The following LRRC4C variants were observed in gnomAD, a reference collection of about 807,000 sequenced individuals.
LRRC4C encodes the protein leucine rich repeat containing 4C.
In LRRC4C, 5 loss-of-function variants were observed where a neutral mutation model predicts 33.6. That is an observed-to-expected ratio of 0.15 (90% confidence interval 0.08 to 0.31). The LOEUF (loss-of-function observed/expected upper bound fraction) is 0.31, where lower values mean the gene tolerates loss of function less well. Among genes scored for constraint, LRRC4C ranks in the 10% least tolerant of loss-of-function variants. LRRC4C has a pLI of 1.00. For synonymous variants in LRRC4C, 329 were observed against 302.0 expected, an observed-to-expected ratio of 1.09 and a Z score of -0.93; for missense variants, 560 against 796.7, an observed-to-expected ratio of 0.70 and a Z score of 3.58.
At chr11:40,744,665 T>G in intron 2 of LRRC4C, among the ~76,000 whole-genome samples, 1 of 152,260 alleles carries the variant, frequency 6.6e-6, no homozygotes, top group African/African-American at 2.4e-5. Context: ...AACAACCCTA[T>G]GCATGGTGTT....
intron 3 of LRRC4C, among the ~76,000 whole-genome samples, chr11:40,581,392 C>T (rs1958457215): frequency 6.6e-6 from 1 of 152,180 alleles, no homozygotes; most frequent in African/African-American, 2.4e-5. Context: ...TGTCTTCAGA[C>T]CTAGAGATTA....
intron 3 of LRRC4C, among the ~76,000 whole-genome samples, chr11:40,499,928 G>A (rs1402533156): frequency 1.3e-5 from 2 of 152,034 alleles, no homozygotes; most frequent in Non-Finnish European, 2.9e-5. Flanking sequence ...AGGGACAAAA[G>A]GTAGGAATCA....
intron 1 of LRRC4C, among the ~76,000 whole-genome samples, chr11:41,090,317 G>A (rs577589246): frequency 2.6e-5 from 4 of 152,030 alleles, no homozygotes; most frequent in Middle Eastern, 3.4e-3. Flanking sequence ...ATCTCACAGC[G>A]TTTATTTCTT....
At chr11:40,595,191 C>T (rs563563697) in intron 3 of LRRC4C, among the ~76,000 whole-genome samples, 1 of 151,468 alleles carries the variant, frequency 6.6e-6, no homozygotes, top group South Asian at 2.1e-4. Flanking sequence ...TTTATTAAGC[C>T]AAATCAAGGA....
rs1009987289 is a variant in LRRC4C, at chr11:40,886,329, A to G, written c.-407+47306T>C. 5.3e-5 allele frequency among the ~76,000 whole-genome samples: 8 copies of G among 151,850 alleles called. No homozygotes were observed. In the South Asian group the frequency reaches 1.7e-3, roughly 32 times the overall value. ...ACCTGAATATCTACTTCTCAACTGG[A>G]GAAATAGCCAGTAGGAGTTATTTTC... is the stretch of plus-strand genomic sequence containing the variant. On this transcript the variant is annotated intron_variant, in intron 2 of 6. Coordinates refer to ENST00000528697, the MANE Select transcript of LRRC4C (RefSeq NM_001258419.2).
At chr11:40,205,879 C>T (rs556818336) in intron 5 of LRRC4C, among the ~76,000 whole-genome samples, 3 of 152,172 alleles carry the variant, frequency 2.0e-5, no homozygotes, top group Non-Finnish European at 2.9e-5. Flanking sequence ...TCATTAAGTA[C>T]CTTTTTCTTT....
intron 3 of LRRC4C, among the ~76,000 whole-genome samples, chr11:40,482,078 G>T (rs1020709358): frequency 6.6e-6 from 1 of 152,098 alleles, no homozygotes; most frequent in African/African-American, 2.4e-5. Context: ...CTACCACTTG[G>T]TTCATTAGAG....
rs142310523 is a variant in LRRC4C, at chr11:41,169,935, A to G, written c.-495-236212T>C. On this transcript the variant is annotated intron_variant, in intron 1 of 6. Coordinates refer to ENST00000528697, the MANE Select transcript of LRRC4C (RefSeq NM_001258419.2). Reference sequence around the variant, plus strand: ...TCCTTTACATGGCTAAAATGTTAGAAGACATTTTTGTTTTACTTAAATATG... The same window carrying G: ...TCCTTTACATGGCTAAAATGTTAGAGGACATTTTTGTTTTACTTAAATATG... 5.2e-3 allele frequency among the ~76,000 whole-genome samples: 786 copies of G among 152,310 alleles called. 5 individuals carry two copies. The highest frequency in any genetic ancestry group is 0.018 in the African/African-American group (740 of 41,578).
At chr11:40,240,377 A>C (rs1865850791) in intron 5 of LRRC4C, among the ~76,000 whole-genome samples, 1 of 152,158 alleles carries the variant, frequency 6.6e-6, no homozygotes, top group African/African-American at 2.4e-5. Flanking sequence ...TAATGGTTTG[A>C]AGACGCAGAC....
At chr11:41,257,595 C>T (rs1177534425) in intron 1 of LRRC4C, among the ~76,000 whole-genome samples, 1 of 152,064 alleles carries the variant, frequency 6.6e-6, no homozygotes, top group East Asian at 1.9e-4. Flanking sequence ...ATGACTTATA[C>T]ACATCTTGCT....
chr11:40,453,008 A>G (rs1474163643), intron 3 of LRRC4C, among the ~76,000 whole-genome samples: 4 of 138,822 alleles, frequency 2.9e-5, no homozygotes, highest in Non-Finnish European at 6.2e-5. Context: ...AGGAAGGGGA[A>G]CATCACACGC....
intron 1 of LRRC4C, among the ~76,000 whole-genome samples, chr11:41,243,290 C>T (rs889010054): frequency 1.3e-5 from 2 of 152,144 alleles, no homozygotes; most frequent in Non-Finnish European, 2.9e-5. Flanking sequence ...TTAACAGTTT[C>T]CACATCCATT....
At chr11:41,081,274 A>G (rs1939548167) in intron 1 of LRRC4C, among the ~76,000 whole-genome samples, 1 of 152,218 alleles carries the variant, frequency 6.6e-6, no homozygotes, top group Non-Finnish European at 1.5e-5. Context: ...ACTGAACTTA[A>G]AACTGCATGA....
At position 40,798,429 on chromosome 11, in the gene LRRC4C, T is replaced by G. The variant is rs1950915136; in HGVS notation, c.-407+135206A>C. Among the ~76,000 whole-genome samples, 3 of 152,146 alleles carry G rather than the reference T, an allele frequency of 2.0e-5. No homozygotes were observed. The South Asian group carries it at 6.2e-4, about 32-fold the overall frequency. ...TGAGAAACAGTGTTTTGGAGTTAAG[T>G]TAGTTTTCTGATTTCAAACATGGAA... On this transcript the variant is annotated intron_variant, in intron 2 of 6. Coordinates refer to ENST00000528697, the MANE Select transcript of LRRC4C (RefSeq NM_001258419.2).
intron 1 of LRRC4C, among the ~76,000 whole-genome samples, chr11:40,977,654 A>C (rs373720802): frequency 3.3e-5 from 5 of 152,164 alleles, no homozygotes; most frequent in Admixed American, 3.3e-4. Context: ...TTATATTTTC[A>C]GTCCAGATTC....
chr11:41,378,627 T>G (rs1190397818), intron 1 of LRRC4C, among the ~76,000 whole-genome samples: 1 of 152,134 alleles, frequency 6.6e-6, no homozygotes, highest in Non-Finnish European at 1.5e-5. Flanking sequence ...GAATAGAAAT[T>G]TTGGAAACAA....
intron 4 of LRRC4C, among the ~76,000 whole-genome samples, chr11:40,290,483 A>G (rs1221436001): frequency 6.6e-6 from 1 of 152,222 alleles, no homozygotes; most frequent in Non-Finnish European, 1.5e-5. Flanking sequence ...TAGTTTAGTT[A>G]AGGAGTAATG....
chr11:41,059,208 A>G (rs1022462154), intron 1 of LRRC4C, among the ~76,000 whole-genome samples: 1 of 8,938 alleles, frequency 1.1e-4, no homozygotes, highest in Non-Finnish European at 5.4e-4. Context: ...ACTAAAATAA[A>G]AGTTTTTTTT....
chr11:40,328,575 A>C (rs1317125763), intron 3 of LRRC4C, among the ~76,000 whole-genome samples: 4 of 152,220 alleles, frequency 2.6e-5, no homozygotes, highest in Non-Finnish European at 5.9e-5. Flanking sequence ...AGAATAGTCA[A>C]CCATTGGAAT....
Sources: gnomAD v4.1 joint callset for allele counts (sites outside exome capture counted in the v4.1 genomes callset) on GRCh38, gnomAD v4.1.1 for gene constraint, MANE v1.5 for transcripts, NCBI Gene and HGNC (gene_info 2026-07-23, HGNC 2026-07-21) for gene names.